The following LINC00632 variants were observed in gnomAD, a reference collection of about 807,000 sequenced individuals.
The protein encoded by LINC00632 is ALDOA related specific transcript.
chrX:140,733,173 G>A (rs1036913784), intron 2 of LINC00632, among the ~76,000 whole-genome samples: 4 of 112,517 alleles, frequency 3.6e-5, no homozygotes, highest in African/African-American at 1.3e-4. Context: ...ATTACCAGAA[G>A]GATCTCTAAA....
chrX:140,791,183 A>ACTT (rs1410359026), exon 5 of LINC00632, among the ~76,000 whole-genome samples: 1 of 110,142 alleles, frequency 9.1e-6, no homozygotes, highest in Admixed American at 9.6e-5. Context: ...TTCTTGATTG[A>ACTT]CTTATAATTT....
intron 3 of LINC00632, among the ~76,000 whole-genome samples, chrX:140,761,188 A>C (rs1193554858): frequency 1.8e-5 from 2 of 112,593 alleles, no homozygotes; most frequent in Admixed American, 9.4e-5. Context: ...CAGCTGGTCC[A>C]TGATTTGGTC....
chrX:140,784,384 CGTCTTCCAGAAAATATAT>C (rs1401465973), exon 5 of LINC00632: 2 of 1,205,150 alleles, frequency 1.7e-6, no homozygotes. Context: ...AGAAAATCCA[CGTCTTCCAGAAAATATAT>C]GTCTTCCAAC....
intron 3 of LINC00632, among the ~76,000 whole-genome samples, chrX:140,736,237 C>T (rs887374380): frequency 9.1e-6 from 1 of 110,037 alleles, no homozygotes; most frequent in African/African-American, 3.3e-5. Flanking sequence ...TATGTGGTTA[C>T]CATTATAAGT....
intron 2 of LINC00632, among the ~76,000 whole-genome samples, chrX:140,723,535 C>G (rs1226200989): frequency 6.2e-5 from 5 of 80,194 alleles, no homozygotes; most frequent in African/African-American, 1.9e-4. Flanking sequence ...TCCATACACA[C>G]ACACACATTC....
chrX:140,759,289 T>TTTCCTTCCTTCCTTCCTTCC (rs796485491), intron 3 of LINC00632, among the ~76,000 whole-genome samples: 3 of 79,603 alleles, frequency 3.8e-5, no homozygotes, highest in Non-Finnish European at 7.0e-5. Context: ...TCTTTCTTTC[T>TTTCCTTCCTTCCTTCCTTCC]TTCCTTCCTT....
At chrX:140,773,941 G>A (rs1489477771) in exon 4 of LINC00632, among the ~76,000 whole-genome samples, 1 of 112,427 alleles carries the variant, frequency 8.9e-6, no homozygotes, top group Non-Finnish European at 1.9e-5. Context: ...GAATCAGTGA[G>A]ACAAATAAAA....
intron 3 of LINC00632, among the ~76,000 whole-genome samples, chrX:140,755,867 G>T (rs949883738): frequency 9.0e-6 from 1 of 110,653 alleles, no homozygotes; most frequent in Admixed American, 9.7e-5. Flanking sequence ...ATTTTAGGGG[G>T]GTCAGATTGT....
intron 3 of LINC00632, among the ~76,000 whole-genome samples, chrX:140,753,768 C>CTTTTTTTTTTTTTTTTTTTT (rs752596283): frequency 6.0e-5 from 3 of 49,741 alleles, no homozygotes; most frequent in African/African-American, 2.9e-4. Flanking sequence ...TTCTTTCTTT[C>CTTTTTTTTTTTTTTTTTTTT]TTTTTTTTTT....
chrX:140,771,681 A>ATTT (rs1194159501), intron 3 of LINC00632, among the ~76,000 whole-genome samples: 9 of 58,195 alleles, frequency 1.5e-4, no homozygotes, highest in East Asian at 8.9e-4. Context: ...ATATATATAT[A>ATTT]TATATTTTTT....
chrX:140,751,507 C>G (rs1931410651), intron 3 of LINC00632, among the ~76,000 whole-genome samples: 1 of 111,055 alleles, frequency 9.0e-6, no homozygotes, highest in Non-Finnish European at 1.9e-5. Context: ...ATAACCTAAA[C>G]CGATCTGCCA....
exon 5 of LINC00632, among the ~76,000 whole-genome samples, chrX:140,775,659 A>G (rs1931861897): frequency 8.9e-6 from 1 of 112,040 alleles, no homozygotes. Context: ...GAAGAAAGAT[A>G]ATTCATTGGC....
At chrX:140,784,989 T>A (rs1477973809) in exon 5 of LINC00632, 3 of 120,979 alleles carry the variant, frequency 2.5e-5, no homozygotes, top group African/African-American at 9.8e-5. Context: ...TGCAATAAAT[T>A]TTACTACTTC....
intron 3 of LINC00632, among the ~76,000 whole-genome samples, chrX:140,742,877 G>GAGAGAAAGGAAGGAAGGAAGGA (rs1209141726): frequency 4.2e-5 from 4 of 94,410 alleles, no homozygotes; most frequent in African/African-American, 1.2e-4. Flanking sequence ...GAGAGAGAGA[G>GAGAGAAAGGAAGGAAGGAAGGA]AGGAAGGAAG....
At chrX:140,720,604 C>T (rs1011863621) in intron 2 of LINC00632, among the ~76,000 whole-genome samples, 9 of 112,042 alleles carry the variant, frequency 8.0e-5, no homozygotes, top group Non-Finnish European at 1.7e-4. Flanking sequence ...ATATGATTCA[C>T]AATACTAAGA....
chrX:140,740,271 C>T (rs1931205095), intron 3 of LINC00632, among the ~76,000 whole-genome samples: 3 of 111,813 alleles, frequency 2.7e-5, no homozygotes, highest in East Asian at 2.8e-4. Flanking sequence ...GAGTTCTCCT[C>T]GTCAAGGCTT....
intron 2 of LINC00632, among the ~76,000 whole-genome samples, chrX:140,724,905 CAT>C (rs1285072643): frequency 2.7e-5 from 1 of 37,518 alleles, no homozygotes; most frequent in African/African-American, 1.2e-4. Context: ...CACACACACA[CAT>C]TCCATATACA....
At chrX:140,764,072 T>C (rs187340109) in intron 3 of LINC00632, among the ~76,000 whole-genome samples, 2 of 110,555 alleles carry the variant, frequency 1.8e-5, no homozygotes, top group East Asian at 2.9e-4. Flanking sequence ...CAGCAATTCG[T>C]AGGGCCTGCT....
In LINC00632 at chrX:140,737,000, A is replaced by G. The variant is rs143408326; in HGVS notation, n.191+3036A>G. 1.3e-3 allele frequency among the ~76,000 whole-genome samples: 136 copies of G among 105,111 alleles called. 4 individuals carry two copies. In the East Asian group the frequency reaches 0.038, roughly 30 times the overall value. The allele number at this position is 105,111 out of a possible 115,157, so 91.3% of individuals were successfully genotyped here. ...TTGCACCCTCTGCCTCCCGGATTCA[A>G]GTGAGTCTCGTGCCTCAGCCTCCCG... On this transcript the variant is annotated intron_variant and non_coding_transcript_variant, in intron 3 of 4. Transcript: ENST00000648200.
Sources: allele counts gnomAD v4.1 joint callset (sites outside exome capture counted in the v4.1 genomes callset), GRCh38; gene constraint gnomAD v4.1.1; transcripts MANE v1.5; gene names NCBI Gene and HGNC (gene_info 2026-07-23, HGNC 2026-07-21).